DLG2: variants seen among roughly 807,000 people sequenced by gnomAD.
DLG2 encodes the protein disks large homolog 2.
A neutral mutation model predicts 132.5 loss-of-function variants in DLG2; 45 were observed. The observed-to-expected ratio is 0.34, with a 90% CI of 0.27 to 0.44. DLG2 has a LOEUF of 0.44. Ranked by LOEUF, DLG2 falls within the 20% of genes least tolerant of loss-of-function variation. The pLI is 1.00. For synonymous variants in DLG2, 424 were observed against 419.6 expected (o/e 1.01, Z -0.13); for missense variants, 1,045 against 1,196.9 (o/e 0.87, Z 1.87).
At chr11:85,450,496 A>T (rs1314399333) in intron 3 of DLG2, among the ~76,000 whole-genome samples, 2 of 152,134 alleles carry the variant, frequency 1.3e-5, no homozygotes, top group Admixed American at 1.3e-4. Flanking sequence ...TTTCCAACTC[A>T]TCTTCTTTTT....
At chr11:84,071,106 G>A (rs1046366331) in intron 10 of DLG2, among the ~76,000 whole-genome samples, 7 of 151,622 alleles carry the variant, frequency 4.6e-5, no homozygotes, top group African/African-American at 1.7e-4. Context: ...TTTATTTATT[G>A]TTTTTGAGAA....
At chr11:84,251,937 C>T (rs2097383488) in intron 7 of DLG2, among the ~76,000 whole-genome samples, 1 of 151,926 alleles carries the variant, frequency 6.6e-6, no homozygotes, top group South Asian at 2.1e-4. Context: ...CGCACTCGAC[C>T]TGTATCATTT....
At chr11:84,174,864 T>A (rs1284157670) in intron 8 of DLG2, among the ~76,000 whole-genome samples, 1 of 152,214 alleles carries the variant, frequency 6.6e-6, no homozygotes, top group Non-Finnish European at 1.5e-5. Context: ...TGGATTTTGT[T>A]AAATATGTAG....
intron 6 of DLG2, among the ~76,000 whole-genome samples, chr11:84,555,237 G>T (rs1236957258): frequency 2.6e-5 from 4 of 151,808 alleles, no homozygotes; most frequent in Non-Finnish European, 4.4e-5. Flanking sequence ...CAGTATGGAG[G>T]TTCTTCAAAA....
At chr11:85,063,471 G>T (rs1368898616) in intron 6 of DLG2, among the ~76,000 whole-genome samples, 1 of 151,760 alleles carries the variant, frequency 6.6e-6, no homozygotes, top group Non-Finnish European at 1.5e-5. Flanking sequence ...TTACTTTATG[G>T]GGCTCCTAGA....
intron 6 of DLG2, among the ~76,000 whole-genome samples, chr11:84,891,451 A>G (rs1262562854): frequency 5.3e-5 from 8 of 152,190 alleles, no homozygotes; most frequent in Admixed American, 4.6e-4. Context: ...AGTAATGGTA[A>G]AGGAAGAAAT....
chr11:85,205,753 A>G (rs376332073), intron 4 of DLG2, among the ~76,000 whole-genome samples: 1 of 152,176 alleles, frequency 6.6e-6, no homozygotes, highest in Non-Finnish European at 1.5e-5. Context: ...AGACTGACCC[A>G]GACAGTAAGT....
chr11:85,009,037 G>A (rs189861160), intron 6 of DLG2, among the ~76,000 whole-genome samples: 1 of 152,034 alleles, frequency 6.6e-6, no homozygotes, highest in East Asian at 1.9e-4. Flanking sequence ...AAGTCCTAAG[G>A]CGGGAAATAG....
chr11:85,610,690 A>G (rs1364437586), intron 2 of DLG2, among the ~76,000 whole-genome samples: 1 of 152,200 alleles, frequency 6.6e-6, no homozygotes, highest in Non-Finnish European at 1.5e-5. Context: ...GATCTCTTGA[A>G]CTTTCTAGCT....
chr11:85,550,259 G>A (rs1357767219), intron 3 of DLG2, among the ~76,000 whole-genome samples: 1 of 152,196 alleles, frequency 6.6e-6, no homozygotes, highest in Non-Finnish European at 1.5e-5. Flanking sequence ...ATGAAAAGGT[G>A]GAGGGCCCAC....
At chr11:84,984,639 G>T (rs868714218) in intron 6 of DLG2, among the ~76,000 whole-genome samples, 2 of 150,534 alleles carry the variant, frequency 1.3e-5, no homozygotes, top group African/African-American at 2.4e-5. Context: ...ATGGTACCTC[G>T]CATCTTAATA....
At chr11:84,993,812 G>A (rs2057376360) in intron 6 of DLG2, among the ~76,000 whole-genome samples, 1 of 152,138 alleles carries the variant, frequency 6.6e-6, no homozygotes, top group African/African-American at 2.4e-5. Context: ...AAGCCTATAA[G>A]CAGCTTGGAC....
At chr11:84,354,783 C>T (rs765043927) in intron 7 of DLG2, among the ~76,000 whole-genome samples, 7 of 152,044 alleles carry the variant, frequency 4.6e-5, no homozygotes, top group African/African-American at 7.2e-5. Context: ...GAGTCAAATG[C>T]GGTTTGACTA....
intron 19 of DLG2, among the ~76,000 whole-genome samples, chr11:83,586,556 T>G (rs1380844352): frequency 6.6e-6 from 1 of 152,238 alleles, no homozygotes; most frequent in Non-Finnish European, 1.5e-5. Flanking sequence ...TTCTTCCTGC[T>G]TTTTACCTAT....
At chr11:84,061,869 A>G (rs1234878889) in intron 10 of DLG2, among the ~76,000 whole-genome samples, 4 of 148,200 alleles carry the variant, frequency 2.7e-5, no homozygotes, top group South Asian at 2.2e-4. Flanking sequence ...AAAAAAAAAA[A>G]GGGAAACTAC....
intron 3 of DLG2, among the ~76,000 whole-genome samples, chr11:85,300,086 T>C (rs930428594): frequency 2.0e-5 from 3 of 152,180 alleles, no homozygotes; most frequent in Admixed American, 6.5e-5. Flanking sequence ...GTGTGCCTTG[T>C]ACTGATAGAG....
intron 6 of DLG2, among the ~76,000 whole-genome samples, chr11:84,656,289 T>C (rs1167089470): frequency 6.6e-6 from 1 of 152,096 alleles, no homozygotes; most frequent in Non-Finnish European, 1.5e-5. Flanking sequence ...ATATCCAACA[T>C]CTGTTCACTT....
chr11:85,302,578 G>A (rs528773595), intron 3 of DLG2, among the ~76,000 whole-genome samples: 2 of 151,270 alleles, frequency 1.3e-5, no homozygotes, highest in South Asian at 4.2e-4. Flanking sequence ...GAAATGGCCT[G>A]GTATAAGAAC....
intron 8 of DLG2, among the ~76,000 whole-genome samples, chr11:84,227,913 CAA>C (rs59917539): frequency 6.7e-5 from 5 of 74,350 alleles, no homozygotes; most frequent in African/African-American, 2.0e-4. Context: ...GACTCCATCT[CAA>C]AAAAAAAAAA....
Sources: allele counts gnomAD v4.1 joint callset (sites outside exome capture counted in the v4.1 genomes callset), GRCh38; gene constraint gnomAD v4.1.1; transcripts MANE v1.5; gene names NCBI Gene and HGNC (gene_info 2026-07-23, HGNC 2026-07-21).